Variants in KCNJ6 observed in about 807,000 individuals in gnomAD.
KCNJ6 encodes potassium inwardly rectifying channel subfamily J member 6.
In KCNJ6, 9 loss-of-function variants were observed where a neutral mutation model predicts 34.2. The ratio of observed to expected loss-of-function variants is 0.26; its 90% CI spans 0.16 to 0.46. The LOEUF is 0.46. Ranked by LOEUF, KCNJ6 falls within the 20% of genes least tolerant of loss-of-function variation. The pLI, the probability that KCNJ6 is intolerant of heterozygous loss-of-function variation, is 1.00. For missense variants in KCNJ6, 236 were observed against 531.3 expected, an observed-to-expected ratio of 0.44 and a Z score of 5.46; for synonymous variants, 196 against 207.1, an observed-to-expected ratio of 0.95 and a Z score of 0.46.
intron 1 of KCNJ6, among the ~76,000 whole-genome samples, chr21:37,891,334 C>G (rs1269656651): frequency 1.3e-5 from 2 of 152,106 alleles, no homozygotes; most frequent in East Asian, 1.9e-4. Context: ...GATACGAACA[C>G]AGACACGCAT....
At position 37,813,342 on chromosome 21, in the gene KCNJ6, T is replaced by A. The variant is rs114079667; in HGVS notation, c.25+27316A>T. ...AATGTCGATACTACCCAAAGCAATC[T>A]ACAGATTCAATGTATTCCCTATCAA... On this transcript the variant is annotated intron_variant, in intron 2 of 3. Transcript: ENST00000609713. Among the ~76,000 whole-genome samples, 1,230 of 152,256 alleles carry A rather than the reference T, an allele frequency of 8.1e-3. 11 individuals carry two copies. Among genetic ancestry groups the A allele is most frequent in the African/African-American group, 0.023 (969 of 41,536 alleles).
intron 3 of KCNJ6, among the ~76,000 whole-genome samples, chr21:37,648,761 C>T (rs114870555): frequency 0.014 from 2,168 of 152,276 alleles, 47 homozygotes; most frequent in African/African-American, 0.049. Flanking sequence ...TGTCCAATCA[C>T]ATCACACTGA....
chr21:37,840,583 G>A (rs572454108), intron 2 of KCNJ6, 75 bp downstream of exon 2: 33 of 961,706 alleles, frequency 3.4e-5, no homozygotes, highest in Admixed American at 1.9e-4. Flanking sequence ...ATCATCACAC[G>A]GGATGTCTTT....
intron 3 of KCNJ6, among the ~76,000 whole-genome samples, chr21:37,646,217 TA>T (rs2054403661): frequency 6.6e-6 from 1 of 152,200 alleles, no homozygotes; most frequent in Non-Finnish European, 1.5e-5. Context: ...GCATTTCAAA[TA>T]TTTTTTATAT....
chr21:37,752,631 C>T lies in KCNJ6; in HGVS notation c.26-37500G>A, dbSNP rs183826006. The stretch of plus-strand genomic sequence containing the variant: ...TGCCACAGGGTCACCATAATGTGAC[C>T]GTGCTCATAAATCCTGGGGACAAAT... On this transcript the variant is annotated intron_variant, in intron 2 of 3. Transcript: ENST00000609713. Among the ~76,000 whole-genome samples the T allele has an allele frequency of 2.2e-4, 33 of 152,224 alleles. No homozygotes were observed. The East Asian group carries it at 2.3e-3, about 11-fold the overall frequency.
chr21:37,794,943 C>T (rs566556501), intron 2 of KCNJ6, among the ~76,000 whole-genome samples: 2 of 151,752 alleles, frequency 1.3e-5, no homozygotes, highest in South Asian at 2.1e-4. Flanking sequence ...TGGGCATGTA[C>T]GAGAAGAATG....
intron 1 of KCNJ6, among the ~76,000 whole-genome samples, chr21:37,865,431 G>A (rs540336954): frequency 9.8e-5 from 15 of 152,344 alleles, no homozygotes; most frequent in Non-Finnish European, 2.2e-4. Context: ...GCATGGGCAG[G>A]AGAGGAAAGG....
chr21:37,683,465 T>C (rs920230991), intron 3 of KCNJ6, among the ~76,000 whole-genome samples: 3 of 152,210 alleles, frequency 2.0e-5, no homozygotes, highest in Admixed American at 1.3e-4. Context: ...CTCCTCCTCC[T>C]CTGTCTTCTC....
chr21:37,651,319 G>A (rs1317811816), intron 3 of KCNJ6, among the ~76,000 whole-genome samples: 4 of 152,136 alleles, frequency 2.6e-5, no homozygotes, highest in African/African-American at 9.7e-5. Flanking sequence ...TAGGCCTGTC[G>A]GCCACATCAA....
At chr21:37,665,971 A>G (rs548644140) in intron 3 of KCNJ6, among the ~76,000 whole-genome samples, 2 of 152,280 alleles carry the variant, frequency 1.3e-5, no homozygotes, top group East Asian at 3.9e-4. Context: ...GGAGCCAGAA[A>G]TGAGCAGGCC....
chr21:37,628,062 G>A (rs2054318843), intron 3 of KCNJ6, among the ~76,000 whole-genome samples: 1 of 152,166 alleles, frequency 6.6e-6, no homozygotes, highest in Non-Finnish European at 1.5e-5. Context: ...AAAGGAGGGA[G>A]AATCTGATTT....
At chr21:37,864,871 C>G (rs1004576169) in intron 1 of KCNJ6, among the ~76,000 whole-genome samples, 1 of 142,778 alleles carries the variant, frequency 7.0e-6, no homozygotes, top group South Asian at 2.2e-4. Flanking sequence ...GTCTCTCTCT[C>G]TTTTTTTTTT....
At chr21:37,841,336 G>C (rs1004325247) in intron 1 of KCNJ6, among the ~76,000 whole-genome samples, 2 of 152,112 alleles carry the variant, frequency 1.3e-5, no homozygotes, top group African/African-American at 2.4e-5. Flanking sequence ...TGACTTTGGA[G>C]CTATTAAGAA....
rs116966164 is a variant in KCNJ6, at chr21:37,737,617, C to T, written c.26-22486G>A. 7.2e-4 allele frequency among the ~76,000 whole-genome samples: 109 copies of T among 152,328 alleles called. 1 individual carries two copies. The highest frequency in any genetic ancestry group is 1.2e-3 in the Non-Finnish European group (80 of 68,028). On this transcript the variant is annotated intron_variant, in intron 2 of 3. Transcript: ENST00000609713. Reference sequence around the variant, plus strand: ...ATATCCGGAAAGAGGACTTGATTCCCTTCTGCCCAGTCATAGTCTATTTAG... The same window carrying T: ...ATATCCGGAAAGAGGACTTGATTCCTTTCTGCCCAGTCATAGTCTATTTAG...
intron 3 of KCNJ6, among the ~76,000 whole-genome samples, chr21:37,637,826 A>G (rs1460942522): frequency 6.6e-6 from 1 of 152,248 alleles, no homozygotes; most frequent in East Asian, 1.9e-4. Context: ...CTCTTTCTAC[A>G]TGCACACAGA....
At chr21:37,666,849 AC>A (rs1299865218) in intron 3 of KCNJ6, among the ~76,000 whole-genome samples, 1 of 151,260 alleles carries the variant, frequency 6.6e-6, no homozygotes, top group Non-Finnish European at 1.5e-5. Flanking sequence ...CTATAACCTT[AC>A]CCCCAACCCC....
At chr21:37,821,685 T>C (rs948913337) in intron 2 of KCNJ6, among the ~76,000 whole-genome samples, 1 of 152,236 alleles carries the variant, frequency 6.6e-6, no homozygotes, top group Non-Finnish European at 1.5e-5. Context: ...TAGGGTACTT[T>C]ATTTCTTTAT....
At chr21:37,681,795 G>A (rs2054592021) in intron 3 of KCNJ6, among the ~76,000 whole-genome samples, 2 of 142,658 alleles carry the variant, frequency 1.4e-5, no homozygotes, top group Admixed American at 1.4e-4. Context: ...GAGGAGTAGA[G>A]GGAGCGACCC....
chr21:37,655,237 G>GAA (rs1569438980), intron 3 of KCNJ6, among the ~76,000 whole-genome samples: 475 of 4,030 alleles, frequency 0.12, 5 homozygotes, highest in Non-Finnish European at 0.19. Flanking sequence ...GAGAGAGAGA[G>GAA]AGAGAGAGAG....
Sources: allele counts gnomAD v4.1 joint callset (sites outside exome capture counted in the v4.1 genomes callset), GRCh38; gene constraint gnomAD v4.1.1; transcripts MANE v1.5; gene names NCBI Gene and HGNC (gene_info 2026-07-23, HGNC 2026-07-21).